RPS3: variants seen among roughly 807,000 people sequenced by gnomAD.
RPS3 encodes ribosomal protein S3.
Under a neutral mutation model 25.8 loss-of-function variants are expected in RPS3, and 2 were observed. The observed-to-expected ratio is 0.08, with a 90% CI of 0.03 to 0.24. The LOEUF is 0.24. RPS3 is among the 10% of genes least tolerant of loss of function. RPS3 has a pLI of 1.00. For synonymous variants in RPS3, 114 were observed against 114.2 expected (o/e 1.00, Z 0.01); for missense variants, 107 against 307.1 (o/e 0.35, Z 4.87).
intron 6 of RPS3, among the ~76,000 whole-genome samples, chr11:75,421,101 A>G (rs1391048852): frequency 6.6e-6 from 1 of 152,168 alleles, no homozygotes; most frequent in Non-Finnish European, 1.5e-5. Context: ...GGGCGCAGGC[A>G]GGCTAACTGT....
At chr11:75,417,543 G>T (rs758566960) in intron 6 of RPS3, among the ~76,000 whole-genome samples, 1 of 152,244 alleles carries the variant, frequency 6.6e-6, no homozygotes, top group African/African-American at 2.4e-5. Context: ...GTTACAGTGA[G>T]CCGAGATCGC....
At chr11:75,413,839 T>C (rs1948376625) in intron 6 of RPS3, among the ~76,000 whole-genome samples, 1 of 152,168 alleles carries the variant, frequency 6.6e-6, no homozygotes, top group South Asian at 2.1e-4. Context: ...AGAAACTGGC[T>C]AACATAAGCA....
rs573156640 is a variant in RPS3, at chr11:75,402,179, C to T, written c.256-173C>T. 2.6e-4 allele frequency: 239 copies of T among 922,420 alleles called. 8 individuals are homozygous for T. The South Asian group carries it at 3.8e-3, about 14-fold the overall frequency. 57.1% of individuals were successfully genotyped at this position (922,420 alleles called of 1,614,324 possible). On this transcript the variant is annotated intron_variant, in intron 3 of 6. Transcript: ENST00000531188. ...CTACTACTGGTAGCGCAAAAAATCA[C>T]GATGTTGAATTTGTGTTGGGCCACA...
chr11:75,415,714 G>GA (rs1948390104), intron 6 of RPS3, among the ~76,000 whole-genome samples: 1 of 150,038 alleles, frequency 6.7e-6, no homozygotes, highest in African/African-American at 2.4e-5. Flanking sequence ...GCTGAGGCGG[G>GA]AAAATCTCTT....
intron 6 of RPS3, among the ~76,000 whole-genome samples, chr11:75,416,559 A>G (rs1260378060): frequency 6.6e-6 from 1 of 151,292 alleles, no homozygotes; most frequent in Non-Finnish European, 1.5e-5. Context: ...CCTGGGTTCA[A>G]GTGATTCTCA....
At chr11:75,419,760 G>A (rs1199914525) in intron 6 of RPS3, among the ~76,000 whole-genome samples, 2 of 151,648 alleles carry the variant, frequency 1.3e-5, no homozygotes, top group Admixed American at 6.6e-5. Context: ...CAGCCTCCCC[G>A]GTAGCTGGGA....
chr11:75,399,638 G>A, intron 1 of RPS3, 61 bp downstream of exon 1: 5 of 1,470,666 alleles, frequency 3.4e-6, no homozygotes, highest in Non-Finnish European at 4.7e-6. Context: ...GGGCTTCTCG[G>A]GGTGCCACCG....
At chr11:75,410,160 G>A (rs1330480886), downstream of RPS3, among the ~76,000 whole-genome samples, 6 of 150,468 alleles carry the variant, frequency 4.0e-5, no homozygotes, top group South Asian at 2.1e-4. Context: ...CTGGCCGGGC[G>A]GGGGGCTGAC....
chr11:75,409,161 TTTTA>T (rs1008293427), downstream of RPS3, among the ~76,000 whole-genome samples: 6 of 150,926 alleles, frequency 4.0e-5, no homozygotes, highest in Non-Finnish European at 7.4e-5. Context: ...TTTATTTTTA[TTTTA>T]TTTATTATTA....
At position 75,400,705 on chromosome 11, in the gene RPS3, T is replaced by C. The variant is rs773847813; in HGVS notation, c.42T>C (p.Asp14=). ...QISKKRKFVA[D]GIFKAELNEF... ...TTTGTTTGGATTAGTTTGTCGCTGA[T>C]GGCATCTTCAAAGCTGAACTGAATG... The change falls in exon 2 of 7, where the codon GAT becomes GAC. Residue 14 remains aspartate (D), a synonymous_variant. Transcript: ENST00000531188. 10 of 1,612,858 alleles carry C rather than the reference T, an allele frequency of 6.2e-6. No individual in the cohort carries two copies. The highest frequency in any genetic ancestry group is 1.3e-5 in the African/African-American group (1 of 75,010).
In RPS3 at chr11:75,404,290, T is replaced by C. The variant is rs1179946722; in HGVS notation, c.538+83T>C. On this transcript the variant is annotated intron_variant, in intron 5 of 6. Coordinates refer to ENST00000531188, the MANE Select transcript of RPS3 (RefSeq NM_001005.5). This position sits in a 1 kb window ranked among gnomAD's most constrained non-coding sequence, Gnocchi z 4.6. ...GACATCTTAAGTATTTGGGGGAGTT[T>C]ATCATGGAAGTAGCTGGGCATGTTC... The C allele has an allele frequency of 7.7e-7, 1 of 1,292,844 alleles. No homozygotes were observed. Among genetic ancestry groups the C allele is most frequent in the African/African-American group, 1.5e-5 (1 of 68,440 alleles). 80.1% of individuals were successfully genotyped at this position (1,292,844 alleles called of 1,614,324 possible). A position where few individuals can be genotyped will look rare whatever the true frequency, so the allele number is the denominator to read the frequency against.
intron 4 of RPS3, 111 bp downstream of exon 4, chr11:75,402,557 C>T: frequency 1.7e-6 from 2 of 1,147,932 alleles, no homozygotes; most frequent in Non-Finnish European, 1.2e-6. Context: ...ATCTGCTAGT[C>T]TCCCAGGGTT....
chr11:75,407,338 A>G (rs1340249060), downstream of RPS3, among the ~76,000 whole-genome samples: 2 of 151,922 alleles, frequency 1.3e-5, no homozygotes, highest in East Asian at 3.9e-4. Flanking sequence ...GGGTTTCCCC[A>G]TGTTGGCCAG....
chr11:75,415,615 G>A (rs1434411805), intron 6 of RPS3, among the ~76,000 whole-genome samples: 1 of 152,172 alleles, frequency 6.6e-6, no homozygotes, highest in Non-Finnish European at 1.5e-5. Context: ...AGACCAGCCT[G>A]GCCAAGATGG....
downstream of RPS3, among the ~76,000 whole-genome samples, chr11:75,409,792 G>T (rs889805323): frequency 1.3e-5 from 2 of 149,914 alleles, no homozygotes; most frequent in African/African-American, 5.0e-5. Flanking sequence ...CCTCCCGGAT[G>T]GGGCGGCTGG....
At chr11:75,417,333 C>A (rs1047391270) in intron 6 of RPS3, among the ~76,000 whole-genome samples, 1 of 152,100 alleles carries the variant, frequency 6.6e-6, no homozygotes, top group Non-Finnish European at 1.5e-5. Context: ...AGTGGTGGCT[C>A]ATGCCTGTAA....
intron 4 of RPS3, 65 bp downstream of exon 4, chr11:75,402,511 G>T (rs1948225496): frequency 6.6e-7 from 1 of 1,514,330 alleles, no homozygotes; most frequent in Non-Finnish European, 9.0e-7. Flanking sequence ...TCTGCCATTT[G>T]TTAATTTAGC....
At chr11:75,411,292 G>A (rs2135066158), downstream of RPS3, among the ~76,000 whole-genome samples, 1 of 152,312 alleles carries the variant, frequency 6.6e-6, no homozygotes, top group South Asian at 2.1e-4. Flanking sequence ...GAATACAGAT[G>A]TGAGCCACTG....
At position 75,404,280 on chromosome 11, in the gene RPS3, T is replaced by C; in HGVS notation, c.538+73T>C. The C allele has an allele frequency of 7.2e-7, 1 of 1,380,768 alleles. No individual in the cohort carries two copies. 85.5% of individuals were successfully genotyped at this position (1,380,768 alleles called of 1,614,324 possible). A position where few individuals can be genotyped will look rare whatever the true frequency, so the allele number is the denominator to read the frequency against. The stretch of plus-strand genomic sequence containing the variant: ...GTTTTCCACAGACATCTTAAGTATT[T>C]GGGGGAGTTTATCATGGAAGTAGCT... On this transcript the variant is annotated intron_variant, in intron 5 of 6. Coordinates refer to ENST00000531188, the MANE Select transcript of RPS3 (RefSeq NM_001005.5). The surrounding 1 kb of genome is among the most constrained non-coding windows in gnomAD (Gnocchi z 4.6).
Sources: gnomAD v4.1 joint callset for allele counts (sites outside exome capture counted in the v4.1 genomes callset) on GRCh38, gnomAD v4.1.1 for gene constraint, Gnocchi (gnomAD v3.1) non-coding constraint, MANE v1.5 for transcripts, NCBI Gene and HGNC (gene_info 2026-07-23, HGNC 2026-07-21) for gene names.